Variants in ZNF608 observed in about 807,000 individuals in gnomAD.
ZNF608 encodes the protein renal carcinoma antigen NY-REN-36.
In ZNF608, 12 loss-of-function variants were observed where a neutral mutation model predicts 109.0. The ratio of observed to expected loss-of-function variants is 0.11; its 90% CI spans 0.07 to 0.18. ZNF608 has a LOEUF of 0.18. Among genes scored for constraint, ZNF608 ranks in the 10% least tolerant of loss-of-function variants. The pLI is 1.00. For synonymous variants in ZNF608, 732 were observed against 717.4 expected, an observed-to-expected ratio of 1.02 and a Z score of -0.33; for missense variants, 1,707 against 1,879.3, an observed-to-expected ratio of 0.91 and a Z score of 1.70.
intron 2 of ZNF608, among the ~76,000 whole-genome samples, chr5:124,738,766 A>C (rs1313548695): frequency 6.6e-6 from 1 of 152,180 alleles, no homozygotes; most frequent in Non-Finnish European, 1.5e-5. Flanking sequence ...CCCACTTTTC[A>C]CTTTATTAAA....
At chr5:124,696,066 C>CCCTG in intron 3 of ZNF608, among the ~76,000 whole-genome samples, 1 of 152,100 alleles carries the variant, frequency 6.6e-6, no homozygotes, top group Admixed American at 6.5e-5. Flanking sequence ...TGCCTGTAAT[C>CCCTG]CCAGCTACTC....
chr5:124,661,783 A>C (rs1227843426), intron 3 of ZNF608, among the ~76,000 whole-genome samples: 6 of 152,206 alleles, frequency 3.9e-5, no homozygotes, highest in Non-Finnish European at 7.3e-5. Context: ...GTCTGTATAC[A>C]CACAGTCACA....
rs1387381196 is a variant in ZNF608 at position 124,648,496 on chromosome 5, C to A, written c.1888G>T (p.Ala630Ser). Reference sequence around the variant, plus strand: ...TTTGGGGTCCCAGGTGGGTTTCCAGCACCAGGGGATGCCGGTGCCTTCAAC... The same window carrying A: ...TTTGGGGTCCCAGGTGGGTTTCCAGAACCAGGGGATGCCGGTGCCTTCAAC... ...DQLKAPASPGAGNPPGTPKGK... is the reference protein window; with the variant it reads ...DQLKAPASPGSGNPPGTPKGK... Residue 630 changes from alanine to serine, a missense_variant, in exon 5 of 10, where the codon GCT becomes TCT. Around this residue, in one of 7 missense-constraint regions of ZNF608, gnomAD observed 1,073 missense variants for 1,133.5 expected, o/e 0.95. Transcript: ENST00000513986. 1 of 1,614,072 alleles carries A rather than the reference C, an allele frequency of 6.2e-7. No homozygotes were observed. Among genetic ancestry groups the A allele is most frequent in the Non-Finnish European group, 8.5e-7 (1 of 1,180,048 alleles).
At chr5:124,738,558 T>C (rs4478316) in intron 2 of ZNF608, among the ~76,000 whole-genome samples, 125,719 of 152,158 alleles carry the variant, frequency 0.83, 51,959 homozygotes, top group East Asian at 0.9. Flanking sequence ...GTGTGTTCAA[T>C]GTGGCAATTA....
At chr5:124,707,726 AC>A (rs1157535527) in intron 2 of ZNF608, 2 of 152,074 alleles carry the variant, frequency 1.3e-5, no homozygotes, top group African/African-American at 4.8e-5. Flanking sequence ...CATTTTAACC[AC>A]CCTTTTTCTG....
In ZNF608 at chr5:124,647,542, C is replaced by G; in HGVS notation, c.2842G>C (p.Asp948His). 6.2e-7 allele frequency: 1 copy of G among 1,614,226 alleles called. No homozygotes were observed. Among genetic ancestry groups the G allele is most frequent in the Middle Eastern group, 1.6e-4 (1 of 6,062 alleles). The change falls in exon 5 of 10, where the codon GAT becomes CAT. Residue 948 changes from aspartate (D) to histidine (H), a missense_variant. By Grantham distance (81) the Asp-to-His change is moderately conservative. Around this residue, in one of 7 missense-constraint regions of ZNF608, gnomAD observed 1,073 missense variants for 1,133.5 expected, o/e 0.95. Transcript: ENST00000513986. Reference protein sequence around the residue: ...AYSDISDAADDGGSDSRSEGM... With the variant: ...AYSDISDAADHGGSDSRSEGM... Reference sequence around the variant, plus strand: ...TCCGACCTGCTGTCAGAACCACCATCGTCAGCAGCATCAGATATGTCTGAA... The same window carrying G: ...TCCGACCTGCTGTCAGAACCACCATGGTCAGCAGCATCAGATATGTCTGAA...
intron 5 of ZNF608, 107 bp downstream of exon 5, chr5:124,646,572 A>G (rs1750517127): frequency 5.1e-6 from 7 of 1,375,348 alleles, no homozygotes; most frequent in Admixed American, 2.3e-5. Context: ...AAAAACTAAT[A>G]TGGGTTTCTT....
At chr5:124,666,075 A>T (rs74358121) in intron 3 of ZNF608, among the ~76,000 whole-genome samples, 5,115 of 152,370 alleles carry the variant, frequency 0.034, 149 homozygotes, top group South Asian at 0.12. Flanking sequence ...GAAATAGACA[A>T]TGAAGGTTAG....
chr5:124,668,883 G>A (rs1435139993), intron 3 of ZNF608, among the ~76,000 whole-genome samples: 2 of 152,134 alleles, frequency 1.3e-5, no homozygotes, highest in Non-Finnish European at 2.9e-5. Flanking sequence ...CCTTCAGTTG[G>A]TGACACAGGA....
intron 9 of ZNF608, 102 bp from the exon 10 acceptor site, chr5:124,638,008 T>C (rs6896590): frequency 0.4 from 521,566 of 1,303,710 alleles, 108,612 homozygotes; most frequent in East Asian, 0.62. Flanking sequence ...TAGAGTGCCA[T>C]GGCTCAATCT....
chr5:124,649,899 C>T (rs1450145701), intron 3 of ZNF608, among the ~76,000 whole-genome samples: 2 of 152,182 alleles, frequency 1.3e-5, no homozygotes, highest in South Asian at 2.1e-4. Flanking sequence ...GTTGTGCATT[C>T]GTGCGCGTGC....
Position 124,639,136 on chromosome 5 carries a change from C to A in ZNF608, c.4529G>T (p.Arg1510Ile). 3 of 1,614,020 alleles carry A rather than the reference C, an allele frequency of 1.9e-6. No individual in the cohort carries two copies. The highest frequency in any genetic ancestry group is 2.5e-6 in the Non-Finnish European group (3 of 1,179,890). Residue 1510 changes from arginine (R) to isoleucine (I), a missense_variant, in exon 9 of 10, where the codon AGA (arginine) becomes ATA (isoleucine). Coordinates refer to ENST00000513986, the MANE Select transcript of ZNF608 (RefSeq NM_020747.3). Reference protein sequence around the residue: ...ASASGMFPGQRRE With the variant: ...ASASGMFPGQIRE Reference sequence around the variant, plus strand: ...TAAAAATGTAGAGGATATTTACCTTCTTTGTCCAGGAAACATTCCAGATGC... The same window carrying A: ...TAAAAATGTAGAGGATATTTACCTTATTTGTCCAGGAAACATTCCAGATGC...
intron 2 of ZNF608, among the ~76,000 whole-genome samples, chr5:124,710,968 G>A (rs1753463686): frequency 6.6e-6 from 1 of 152,144 alleles, no homozygotes; most frequent in Admixed American, 6.5e-5. Flanking sequence ...GCAAGGGTGG[G>A]TTTTCTCATC....
At chr5:124,731,745 G>A (rs1315466098) in intron 2 of ZNF608, among the ~76,000 whole-genome samples, 1 of 152,054 alleles carries the variant, frequency 6.6e-6, no homozygotes, top group Non-Finnish European at 1.5e-5. Context: ...AGAATCGCTT[G>A]GACCCGGGAG....
At chr5:124,735,154 G>A (rs1460746724) in intron 2 of ZNF608, 1 of 152,228 alleles carries the variant, frequency 6.6e-6, no homozygotes, top group African/African-American at 2.4e-5. Context: ...GTTTCTAGAT[G>A]TGTGCGTGCA....
chr5:124,693,359 GGAA>G (rs1414953317), intron 3 of ZNF608, among the ~76,000 whole-genome samples: 9 of 152,008 alleles, frequency 5.9e-5, no homozygotes, highest in African/African-American at 1.9e-4. Context: ...CTTCTTTACA[GGAA>G]GAAGATTAAA....
intron 2 of ZNF608, chr5:124,710,424 C>G: frequency 2.7e-6 from 1 of 365,326 alleles, no homozygotes; most frequent in South Asian, 2.1e-5. Context: ...AAGGAAGTGC[C>G]TGAGTCACAC....
intron 2 of ZNF608, among the ~76,000 whole-genome samples, chr5:124,728,483 T>G (rs972005786): frequency 6.6e-6 from 1 of 152,140 alleles, no homozygotes; most frequent in Non-Finnish European, 1.5e-5. Flanking sequence ...CAGTACTCAC[T>G]CCTCCACAGG....
intron 3 of ZNF608, among the ~76,000 whole-genome samples, chr5:124,651,840 G>A (rs948606083): frequency 6.6e-6 from 1 of 152,236 alleles, no homozygotes; most frequent in Non-Finnish European, 1.5e-5. Flanking sequence ...CGGAGGCAAA[G>A]GGACGCATCC....
Sources: gnomAD v4.1 joint callset for allele counts (sites outside exome capture counted in the v4.1 genomes callset) on GRCh38, gnomAD v4.1.1 for gene constraint, gnomAD v4.1.1 regional missense constraint, MANE v1.5 for transcripts, NCBI Gene and HGNC (gene_info 2026-07-23, HGNC 2026-07-21) for gene names.